The following HDAC4 variants were observed in gnomAD, a reference collection of about 807,000 sequenced individuals.
HDAC4 encodes histone deacetylase 4, also known as histone deacetylase A.
In HDAC4, 16 loss-of-function variants were observed where a neutral mutation model predicts 135.1. The ratio of observed to expected loss-of-function variants is 0.12; its 90% CI spans 0.08 to 0.18. The LOEUF is 0.18. HDAC4 is among the 10% of genes least tolerant of loss of function. The pLI is 1.00. For missense variants in HDAC4, 1,143 were observed against 1,511.8 expected (o/e 0.76, Z 4.05); for synonymous variants, 685 against 653.4 (o/e 1.05, Z -0.74).
Position 239,146,524 on chromosome 2 carries a change from C to T in HDAC4, c.734-1810G>A, listed in dbSNP as rs1187663002. ...GTCACTCCAGGCTACCATGGACTGG[C>T]TGTGGTACTGCAGCCCAGTGCACCG... On this transcript the variant is annotated intron_variant, in intron 7 of 26. Transcript: ENST00000543185. The surrounding 1 kb of genome is among the most constrained non-coding windows in gnomAD (Gnocchi z 4.5). Among the ~76,000 whole-genome samples, 1 of 152,188 alleles carries T rather than the reference C, an allele frequency of 6.6e-6. No homozygotes were observed. The highest frequency in any genetic ancestry group is 1.9e-4 in the East Asian group (1 of 5,184).
In HDAC4 at chr2:239,161,494, T is replaced by C. The variant is rs115117866; in HGVS notation, c.611+2309A>G. On this transcript the variant is annotated intron_variant, in intron 6 of 26. Coordinates refer to ENST00000543185, the MANE Select transcript of HDAC4 (RefSeq NM_001378414.1). ...GTGAAGCTGGGATCAGGGTTTCAGT[T>C]CTTTCCCTATGAAGAGCCGGTTTTC... 3.9e-3 allele frequency among the ~76,000 whole-genome samples: 600 copies of C among 152,278 alleles called. 2 individuals are homozygous for C. The highest frequency in any genetic ancestry group is 5.7e-3 in the Non-Finnish European group (385 of 68,024).
At chr2:239,072,944 C>T (rs986799078) in intron 22 of HDAC4, among the ~76,000 whole-genome samples, 3 of 152,206 alleles carry the variant, frequency 2.0e-5, no homozygotes, top group African/African-American at 7.2e-5. Context: ...TGAGTCCCAT[C>T]AGGGACGCTG....
chr2:239,197,587 G>T (rs1341578357), intron 3 of HDAC4, among the ~76,000 whole-genome samples: 1 of 151,986 alleles, frequency 6.6e-6, no homozygotes, highest in Non-Finnish European at 1.5e-5. Flanking sequence ...AACAATACTG[G>T]GTCTTTTCCA....
chr2:239,239,036 C>G (rs1288063676), intron 2 of HDAC4, among the ~76,000 whole-genome samples: 2 of 152,202 alleles, frequency 1.3e-5, no homozygotes, highest in African/African-American at 4.8e-5. Flanking sequence ...CATGTCCAAT[C>G]CTGTATACTG....
chr2:239,231,497 G>A (rs1487965699), intron 3 of HDAC4, among the ~76,000 whole-genome samples: 2 of 152,220 alleles, frequency 1.3e-5, no homozygotes, highest in African/African-American at 2.4e-5. Context: ...ACTCGGTCAC[G>A]GTGGAGAGCA....
intron 1 of HDAC4, among the ~76,000 whole-genome samples, chr2:239,369,942 G>T (rs1694490513): frequency 6.6e-6 from 1 of 152,230 alleles, no homozygotes; most frequent in African/African-American, 2.4e-5. Flanking sequence ...CTCCCTGGTG[G>T]GCGGAGAGAA....
At chr2:239,171,222 A>G (rs1225607686) in intron 5 of HDAC4, among the ~76,000 whole-genome samples, 1 of 152,082 alleles carries the variant, frequency 6.6e-6, no homozygotes, top group Non-Finnish European at 1.5e-5. Context: ...GCCTTGCCAC[A>G]GGGCCAGAGA....
Position 239,352,766 on chromosome 2 carries a change from C to CT in HDAC4, c.-68_-67insA. On this transcript the variant is annotated 5_prime_UTR_variant, in exon 2 of 27. An upstream open reading frame in the 5' UTR gains an earlier in-frame stop. Transcript: ENST00000543185. This position sits in a 1 kb window ranked among gnomAD's most constrained non-coding sequence, Gnocchi z 4.4. ...AAAATTTCCACGGAAACGATAGCTC[C>CT]AACGAGCTCCAAACTCCCACCAACA... 2 of 1,426,708 alleles carry CT rather than the reference C, an allele frequency of 1.4e-6. No individual in the cohort carries two copies. Among genetic ancestry groups the CT allele is most frequent in the Non-Finnish European group, 1.9e-6 (2 of 1,033,162 alleles). 88.4% of individuals were successfully genotyped at this position (1,426,708 alleles called of 1,614,324 possible). A position where few individuals can be genotyped will look rare whatever the true frequency, so the allele number is the denominator to read the frequency against.
intron 2 of HDAC4, among the ~76,000 whole-genome samples, chr2:239,237,792 A>C (rs1328206761): frequency 6.6e-6 from 1 of 152,196 alleles, no homozygotes; most frequent in African/African-American, 2.4e-5. Flanking sequence ...CAATGCAGAG[A>C]TCAAACGTGG....
chr2:239,228,241 G>A (rs931367291), intron 3 of HDAC4, among the ~76,000 whole-genome samples: 8 of 152,186 alleles, frequency 5.3e-5, no homozygotes, highest in Non-Finnish European at 1.2e-4. Flanking sequence ...CAGGTGAGGA[G>A]CAGCCTGCTG....
intron 1 of HDAC4, among the ~76,000 whole-genome samples, chr2:239,365,457 G>A (rs1694127475): frequency 6.6e-6 from 1 of 152,214 alleles, no homozygotes; most frequent in Non-Finnish European, 1.5e-5. Context: ...TTCCATCTGA[G>A]GCTCTGATTC....
intron 3 of HDAC4, among the ~76,000 whole-genome samples, chr2:239,196,914 T>G (rs2045423876): frequency 6.6e-6 from 1 of 152,184 alleles, no homozygotes; most frequent in Admixed American, 6.5e-5. Flanking sequence ...GCAGGCAGTC[T>G]GGTGAGGCCG....
chr2:239,127,747 A>C lies in HDAC4; in HGVS notation c.1295-1053T>G, dbSNP rs548993128. 7.4e-3 allele frequency among the ~76,000 whole-genome samples: 1,127 copies of C among 152,330 alleles called. 6 individuals are homozygous for C. Among genetic ancestry groups the C allele is most frequent in the Non-Finnish European group, 0.011 (758 of 68,026 alleles). ...GAGGCAGCCTGCTGTTCCTGCTGCC[A>C]GGCGGGGCTACATGCCTGCTGCAAG... On this transcript the variant is annotated intron_variant, in intron 11 of 26. Coordinates refer to ENST00000543185, the MANE Select transcript of HDAC4 (RefSeq NM_001378414.1).
chr2:239,292,106 A>T (rs555436181), intron 2 of HDAC4, among the ~76,000 whole-genome samples: 16 of 152,260 alleles, frequency 1.1e-4, no homozygotes, highest in Admixed American at 9.8e-4. Flanking sequence ...CGGCCACGCC[A>T]GGGGCTGTGC....
At chr2:239,109,139 C>T (rs908052408) in intron 14 of HDAC4, among the ~76,000 whole-genome samples, 2 of 152,206 alleles carry the variant, frequency 1.3e-5, no homozygotes, top group African/African-American at 2.4e-5. Flanking sequence ...AGGGCTGCCC[C>T]GAGGCCCTGC....
At chr2:239,084,911 A>G (rs1335422862) in intron 19 of HDAC4, among the ~76,000 whole-genome samples, 1 of 142,976 alleles carries the variant, frequency 7.0e-6, no homozygotes, top group African/African-American at 2.5e-5. Context: ...ACATGCACAG[A>G]TACACATGAA....
intron 2 of HDAC4, among the ~76,000 whole-genome samples, chr2:239,351,012 G>C (rs1294905525): frequency 6.6e-6 from 1 of 152,176 alleles, no homozygotes; most frequent in Non-Finnish European, 1.5e-5. Flanking sequence ...AAAAATGAGA[G>C]AGACTGAACC....
intron 7 of HDAC4, among the ~76,000 whole-genome samples, chr2:239,150,276 T>C (rs1050247077): frequency 1.6e-4 from 24 of 148,244 alleles, no homozygotes; most frequent in Middle Eastern, 3.5e-3. Context: ...CACAGAAACA[T>C]AGATACACAC....
intron 17 of HDAC4, chr2:239,094,629 T>G (rs933403933): frequency 2.6e-5 from 30 of 1,132,256 alleles, no homozygotes; most frequent in Non-Finnish European, 3.2e-5. Context: ...TAGCTTCGGG[T>G]GGAAACTAGG....
Sources: allele counts gnomAD v4.1 joint callset (sites outside exome capture counted in the v4.1 genomes callset), GRCh38; gene constraint gnomAD v4.1.1; non-coding constraint Gnocchi (gnomAD v3.1); transcripts MANE v1.5; gene names NCBI Gene and HGNC (gene_info 2026-07-23, HGNC 2026-07-21).